The following PLEKHB2 variants were observed in gnomAD, a reference collection of about 807,000 sequenced individuals.
The protein encoded by PLEKHB2 is pleckstrin homology domain containing B2.
In PLEKHB2, 31 loss-of-function variants were observed where a neutral mutation model predicts 36.5. The ratio of observed to expected loss-of-function variants is 0.85; its 90% CI spans 0.64 to 1.15. The LOEUF (loss-of-function observed/expected upper bound fraction) is 1.15, where lower values mean the gene tolerates loss of function less well. PLEKHB2 is among the 50% of genes most tolerant of loss of function. PLEKHB2 has a pLI of 0.00. For missense variants in PLEKHB2, 262 were observed against 295.3 expected, an observed-to-expected ratio of 0.89 and a Z score of 0.83; for synonymous variants, 119 against 112.0, an observed-to-expected ratio of 1.06 and a Z score of -0.39.
intron 1 of PLEKHB2, among the ~76,000 whole-genome samples, chr2:131,115,717 A>C (rs1056753346): frequency 2.0e-5 from 3 of 152,136 alleles, no homozygotes; most frequent in Admixed American, 2.0e-4. Context: ...TCTTATACCC[A>C]GGGTACCTTT....
intron 1 of PLEKHB2, chr2:131,120,553 TG>T: frequency 3.3e-6 from 1 of 301,690 alleles, no homozygotes; most frequent in South Asian, 3.7e-5. Context: ...CACCCCTGCC[TG>T]GGCCATGTGG....
chr2:131,129,764 A>C (rs1432587182), intron 4 of PLEKHB2, among the ~76,000 whole-genome samples: 1 of 152,170 alleles, frequency 6.6e-6, no homozygotes, highest in Non-Finnish European at 1.5e-5. Context: ...TGACCTCCCG[A>C]AGTGCTGGGA....
At chr2:131,120,623 C>T in intron 1 of PLEKHB2, 1 of 429,920 alleles carries the variant, frequency 2.3e-6, no homozygotes, top group Non-Finnish European at 4.3e-6. Context: ...ACGAGAATCC[C>T]CCATGTCCTT....
chr2:131,116,771 A>G (rs1695923645), intron 1 of PLEKHB2, among the ~76,000 whole-genome samples: 1 of 152,158 alleles, frequency 6.6e-6, no homozygotes, highest in Non-Finnish European at 1.5e-5. Context: ...CAATTAGTAC[A>G]TAATACTCCA....
chr2:131,125,348 A>G (rs1696983521), intron 2 of PLEKHB2, among the ~76,000 whole-genome samples: 1 of 152,226 alleles, frequency 6.6e-6, no homozygotes, highest in Admixed American at 6.5e-5. Flanking sequence ...CTCTGTTGAC[A>G]GTGTGTGCTG....
chr2:131,120,057 C>G (rs1215124483), intron 1 of PLEKHB2, among the ~76,000 whole-genome samples: 2 of 151,626 alleles, frequency 1.3e-5, no homozygotes, highest in Non-Finnish European at 2.9e-5. Flanking sequence ...CATCCTCTGC[C>G]TCCTGGGTTC....
intron 1 of PLEKHB2, among the ~76,000 whole-genome samples, chr2:131,110,361 CT>C (rs1481649268): frequency 4.0e-5 from 6 of 150,218 alleles, no homozygotes; most frequent in Non-Finnish European, 8.9e-5. Context: ...GCACAGCTGC[CT>C]TTCTGGGAAT....
chr2:131,119,618 T>C (rs910500505), intron 1 of PLEKHB2, among the ~76,000 whole-genome samples: 4 of 152,242 alleles, frequency 2.6e-5, no homozygotes, highest in African/African-American at 9.6e-5. Flanking sequence ...GTGAGATTGC[T>C]GGGGCAAAGT....
intron 2 of PLEKHB2, 92 bp from the exon 3 acceptor site, chr2:131,125,661 T>A: frequency 9.8e-7 from 1 of 1,021,358 alleles, no homozygotes; most frequent in Non-Finnish European, 1.4e-6. Context: ...CCTATGATCA[T>A]GTTTGTGAAT....
At chr2:131,112,525 T>G (rs1695436221) in intron 1 of PLEKHB2, among the ~76,000 whole-genome samples, 1 of 152,200 alleles carries the variant, frequency 6.6e-6, no homozygotes, top group Non-Finnish European at 1.5e-5. Flanking sequence ...AGGCCAGATT[T>G]GAGGACAGCA....
chr2:131,143,354 G>A (rs1383535908), intron 7 of PLEKHB2, among the ~76,000 whole-genome samples: 1 of 152,162 alleles, frequency 6.6e-6, no homozygotes, highest in Non-Finnish European at 1.5e-5. Flanking sequence ...ATAAAAAATA[G>A]GGATGATGGT....
intron 7 of PLEKHB2, among the ~76,000 whole-genome samples, chr2:131,142,530 T>C (rs1698895939): frequency 6.6e-6 from 1 of 152,110 alleles, no homozygotes; most frequent in Non-Finnish European, 1.5e-5. Flanking sequence ...ATCATTTTCC[T>C]TTTTGTTCTT....
intron 6 of PLEKHB2, among the ~76,000 whole-genome samples, chr2:131,139,178 G>A (rs527941206): frequency 4.9e-4 from 74 of 152,152 alleles, no homozygotes; most frequent in African/African-American, 1.6e-3. Context: ...GCACTGATCG[G>A]CACTTCCAGC....
intron 1 of PLEKHB2, among the ~76,000 whole-genome samples, chr2:131,113,364 T>C (rs1292001857): frequency 2.6e-5 from 4 of 152,206 alleles, no homozygotes; most frequent in African/African-American, 9.6e-5. Flanking sequence ...CGCAACACTG[T>C]GCATGGGCCT....
At chr2:131,129,711 C>T (rs1484054767) in intron 4 of PLEKHB2, among the ~76,000 whole-genome samples, 2 of 47,794 alleles carry the variant, frequency 4.2e-5, no homozygotes, top group African/African-American at 6.7e-5. Flanking sequence ...ACCATGTTGG[C>T]CAGGCTGGTC....
chr2:131,137,760 A>C (rs1559100327), intron 6 of PLEKHB2, among the ~76,000 whole-genome samples: 1 of 151,444 alleles, frequency 6.6e-6, no homozygotes, highest in East Asian at 1.9e-4. Flanking sequence ...CTATTCTTTT[A>C]TTTCTTTCCT....
chr2:131,127,720 G>A (rs1211419781), intron 4 of PLEKHB2, among the ~76,000 whole-genome samples: 1 of 152,232 alleles, frequency 6.6e-6, no homozygotes, highest in Admixed American at 6.5e-5. Context: ...CTACTGAGAT[G>A]TTCTTCAATC....
intron 1 of PLEKHB2, among the ~76,000 whole-genome samples, chr2:131,109,594 G>T (rs547524826): frequency 1.3e-5 from 2 of 152,148 alleles, no homozygotes; most frequent in Non-Finnish European, 2.9e-5. Context: ...GGAGGCTGAG[G>T]CAGGAGAATC....
At chr2:131,118,185 G>A (rs1014323551) in intron 1 of PLEKHB2, among the ~76,000 whole-genome samples, 1 of 152,072 alleles carries the variant, frequency 6.6e-6, no homozygotes, top group Non-Finnish European at 1.5e-5. Flanking sequence ...ACAGTGAGCA[G>A]CAGTGTGCTT....
Sources: allele counts gnomAD v4.1 joint callset (sites outside exome capture counted in the v4.1 genomes callset), GRCh38; gene constraint gnomAD v4.1.1; transcripts MANE v1.5; gene names NCBI Gene and HGNC (gene_info 2026-07-23, HGNC 2026-07-21).